ADAMTSL3: variants seen among roughly 807,000 people sequenced by gnomAD.
ADAMTSL3 encodes the protein ADAMTS like 3.
In ADAMTSL3, 128 loss-of-function variants were observed where a neutral mutation model predicts 201.7. The observed-to-expected ratio is 0.63, with a 90% CI of 0.55 to 0.73. The LOEUF (loss-of-function observed/expected upper bound fraction) is 0.73. Among genes scored for constraint, ADAMTSL3 ranks in the 30% least tolerant of loss-of-function variants. ADAMTSL3 has a pLI of 0.00. For synonymous variants in ADAMTSL3, 738 were observed against 748.4 expected, an observed-to-expected ratio of 0.99 and a Z score of 0.23; for missense variants, 1,990 against 2,119.6, an observed-to-expected ratio of 0.94 and a Z score of 1.20.
In ADAMTSL3 at chr15:83,944,426, A is replaced by G. The variant is rs116041096; in HGVS notation, c.2490+1344A>G. 7.3e-3 allele frequency among the ~76,000 whole-genome samples: 1,119 copies of G among 152,280 alleles called. 12 individuals are homozygous for G. Among genetic ancestry groups the G allele is most frequent in the African/African-American group, 0.025 (1,047 of 41,538 alleles). ...AGGTATCTTCTTGGAGTGGAGACCCAACCCCAACATCAGAACTAACCTCAA... is the reference window on the plus strand; with the variant it reads ...AGGTATCTTCTTGGAGTGGAGACCCGACCCCAACATCAGAACTAACCTCAA... On this transcript the variant is annotated intron_variant, in intron 19 of 29. Coordinates refer to ENST00000286744, the MANE Select transcript of ADAMTSL3 (RefSeq NM_207517.3).
In ADAMTSL3 at chr15:83,913,148, T is replaced by G. The variant is rs1408673892; in HGVS notation, c.1757T>G (p.Val586Gly). Reference sequence around the variant, plus strand: ...ACCACGTGTGGGCCGGGTGTGCAGGTCCGTGAGGTGAAGTGCCGTGTGCTC... The same window carrying G: ...ACCACGTGTGGGCCGGGTGTGCAGGGCCGTGAGGTGAAGTGCCGTGTGCTC... ...CSTTCGPGVQ[V>G]REVKCRVLLT... The change falls in exon 16 of 30, where the codon GTC (valine) becomes GGC (glycine). Residue 586 changes from valine to glycine, a missense_variant. By Grantham distance (109) the Val-to-Gly change is moderately radical. Transcript: ENST00000286744. 4 of 1,613,922 alleles carry G rather than the reference T, an allele frequency of 2.5e-6. No individual in the cohort carries two copies. The African/African-American group carries it at 5.3e-5, about 22-fold the overall frequency.
Position 83,841,815 on chromosome 15 carries a change from C to T in ADAMTSL3, c.727+3600C>T, listed in dbSNP as rs551098869. On this transcript the variant is annotated intron_variant, in intron 7 of 29. Coordinates refer to ENST00000286744, the MANE Select transcript of ADAMTSL3 (RefSeq NM_207517.3). ...CCAAGGCCACTCTGGCCTGCCATGC[C>T]CCCCATTCTGTGTCTATAAAAACCC... 3.3e-5 allele frequency among the ~76,000 whole-genome samples: 5 copies of T among 151,892 alleles called. No individual in the cohort carries two copies. The South Asian group carries it at 1.0e-3, about 32-fold the overall frequency.
At chr15:84,031,050 T>G (rs2098135780) in intron 27 of ADAMTSL3, among the ~76,000 whole-genome samples, 2 of 152,202 alleles carry the variant, frequency 1.3e-5, no homozygotes, top group Admixed American at 1.3e-4. Context: ...CAATTAAACC[T>G]CTTTCCTTTG....
chr15:83,992,765 A>G (rs1325259328), intron 23 of ADAMTSL3, among the ~76,000 whole-genome samples: 1 of 152,220 alleles, frequency 6.6e-6, no homozygotes, highest in Admixed American at 6.5e-5. Context: ...AGCAAAGACC[A>G]TTAAACTCAT....
chr15:83,743,662 G>T (rs975694278), intron 3 of ADAMTSL3, among the ~76,000 whole-genome samples: 4 of 152,170 alleles, frequency 2.6e-5, no homozygotes, highest in Non-Finnish European at 5.9e-5. Flanking sequence ...CCGTGGCTGG[G>T]GAGGGGAGGC....
At chr15:83,965,475 A>T (rs1413585298) in intron 19 of ADAMTSL3, among the ~76,000 whole-genome samples, 2 of 152,218 alleles carry the variant, frequency 1.3e-5, no homozygotes, top group East Asian at 3.8e-4. Context: ...ATGCAACAAG[A>T]AGAGCTAACT....
rs79074742 is a variant in ADAMTSL3, at chr15:84,031,290, G to A, written c.4657-45G>A. On this transcript the variant is annotated intron_variant, in intron 27 of 29. Transcript: ENST00000286744. ...ACATGATCTTAGTACACACAGCATGGATGAGCTTGCAGGATTTACACTGCA... is the reference window on the plus strand; with the variant it reads ...ACATGATCTTAGTACACACAGCATGAATGAGCTTGCAGGATTTACACTGCA... 15,457 of 1,581,372 alleles carry A rather than the reference G, an allele frequency of 9.8e-3. 80 individuals carry two copies. The highest frequency in any genetic ancestry group is 0.012 in the Non-Finnish European group (13,422 of 1,151,952).
intron 3 of ADAMTSL3, among the ~76,000 whole-genome samples, chr15:83,741,227 T>C (rs948864944): frequency 2.7e-5 from 4 of 150,700 alleles, no homozygotes; most frequent in African/African-American, 9.7e-5. Context: ...TATAATACAC[T>C]AAATATTATA....
At chr15:83,842,438 C>T (rs974521166) in intron 7 of ADAMTSL3, among the ~76,000 whole-genome samples, 1 of 152,080 alleles carries the variant, frequency 6.6e-6, no homozygotes, top group Non-Finnish European at 1.5e-5. Flanking sequence ...GAGCCCCAAG[C>T]TCCCCATAAC....
Position 83,930,094 on chromosome 15 carries a change from G to A in ADAMTSL3, c.2117+6061G>A, listed in dbSNP as rs2066329202. 2.0e-5 allele frequency among the ~76,000 whole-genome samples: 3 copies of A among 152,152 alleles called. No individual in the cohort carries two copies. In the South Asian group the frequency reaches 6.2e-4, roughly 32 times the overall value. On this transcript the variant is annotated intron_variant, in intron 17 of 29. Transcript: ENST00000286744. Reference sequence around the variant, plus strand: ...AAAATTGGAAATGGATCAGGGACATGGGATAAAGCCTCAGTTCCACGTCTC... The same window carrying A: ...AAAATTGGAAATGGATCAGGGACATAGGATAAAGCCTCAGTTCCACGTCTC...
intron 23 of ADAMTSL3, among the ~76,000 whole-genome samples, chr15:83,992,377 A>G (rs1397091534): frequency 6.6e-6 from 1 of 152,166 alleles, no homozygotes; most frequent in Non-Finnish European, 1.5e-5. Context: ...GCCTATGCAG[A>G]CTTTTGAAAA....
chr15:83,883,488 T>C (rs2065318907), intron 9 of ADAMTSL3, among the ~76,000 whole-genome samples: 2 of 151,540 alleles, frequency 1.3e-5, no homozygotes, highest in South Asian at 4.2e-4. Context: ...TATTTATTTT[T>C]ATTGTTAAAA....
At chr15:83,738,079 A>C (rs1057140864) in intron 3 of ADAMTSL3, among the ~76,000 whole-genome samples, 1 of 152,236 alleles carries the variant, frequency 6.6e-6, no homozygotes, top group African/African-American at 2.4e-5. Flanking sequence ...AATCCAGAGT[A>C]TACCTAGCAA....
At chr15:83,719,314 C>T (rs1040881808) in intron 3 of ADAMTSL3, among the ~76,000 whole-genome samples, 1 of 151,936 alleles carries the variant, frequency 6.6e-6, no homozygotes, top group East Asian at 1.9e-4. Context: ...AAATAAATTG[C>T]AAAAGAAAAA....
chr15:83,972,186 C>T (rs758128275), intron 20 of ADAMTSL3, among the ~76,000 whole-genome samples: 5 of 152,150 alleles, frequency 3.3e-5, no homozygotes, highest in Non-Finnish European at 5.9e-5. Context: ...TGGCTGCCAG[C>T]TGAACTGCTT....
chr15:83,752,630 C>T lies in ADAMTSL3; in HGVS notation c.190-20893C>T, dbSNP rs189521489. Among the ~76,000 whole-genome samples, 55 of 152,250 alleles carry T rather than the reference C, an allele frequency of 3.6e-4. No homozygotes were observed. In the Middle Eastern group the frequency reaches 0.027, roughly 75 times the overall value. On this transcript the variant is annotated intron_variant, in intron 3 of 29. Transcript: ENST00000286744. ...TAACTTTCTGTAATTATGGAAATTT[C>T]CTATATTTGCAATATCTAATATAGT...
In ADAMTSL3 at chr15:84,036,869, C is replaced by G. The variant is rs901683124; in HGVS notation, c.4851C>G (p.Phe1617Leu). The change falls in exon 29 of 30, where the codon TTC becomes TTG. Residue 1617 changes from phenylalanine (F) to leucine (L), a missense_variant. By Grantham distance (22) the Phe-to-Leu change is conservative (BLOSUM62 0). Transcript: ENST00000286744. ...KPCTAACGRGFQSRKVDCIHT... is the reference protein window; with the variant it reads ...KPCTAACGRGLQSRKVDCIHT... ...GTACAGCAGCCTGTGGCAGGGGTTTCCAGTCTCGGAAAGTCGACTGTATCC... is the reference window on the plus strand; with the variant it reads ...GTACAGCAGCCTGTGGCAGGGGTTTGCAGTCTCGGAAAGTCGACTGTATCC... The G allele has an allele frequency of 6.2e-7, 1 of 1,614,100 alleles. No individual in the cohort carries two copies. Among genetic ancestry groups the G allele is most frequent in the Non-Finnish European group, 8.5e-7 (1 of 1,180,016 alleles).
intron 28 of ADAMTSL3, among the ~76,000 whole-genome samples, chr15:84,033,145 G>A (rs535552209): frequency 1.1e-4 from 17 of 151,220 alleles, no homozygotes; most frequent in African/African-American, 2.9e-4. Context: ...AACCACCATC[G>A]TATCTCACCT....
chr15:83,669,741 T>G (rs1438411137), intron 2 of ADAMTSL3, among the ~76,000 whole-genome samples: 1 of 151,296 alleles, frequency 6.6e-6, no homozygotes, highest in Admixed American at 6.6e-5. Context: ...GTGCTGGGAT[T>G]ACAGGTGTGA....
Sources: gnomAD v4.1 joint callset for allele counts (sites outside exome capture counted in the v4.1 genomes callset) on GRCh38, gnomAD v4.1.1 for gene constraint, MANE v1.5 for transcripts, NCBI Gene and HGNC (gene_info 2026-07-23, HGNC 2026-07-21) for gene names.